Variants in PCDHGB5 observed in about 807,000 individuals in gnomAD.
PCDHGB5 encodes protocadherin gamma-B5.
In PCDHGB5, 48 loss-of-function variants were observed where a neutral mutation model predicts 62.9. That is an observed-to-expected ratio of 0.76 (90% CI 0.61 to 0.97). The LOEUF (loss-of-function observed/expected upper bound fraction) is 0.97, where lower values mean the gene tolerates loss of function less well. Among genes scored for constraint, PCDHGB5 ranks in the 50% least tolerant of loss-of-function variants. The probability of loss-of-function intolerance (pLI) is 0.00; values close to 1 mark genes in which losing one functional copy is unlikely to be tolerated. For missense variants in PCDHGB5, 1,118 were observed against 1,198.6 expected (o/e 0.93, Z 0.99); for synonymous variants, 474 against 511.2 (o/e 0.93, Z 0.98).
chr5:141,418,730 G>GT, intron 1 of PCDHGB5: 1 of 1,613,952 alleles, frequency 6.2e-7, no homozygotes, highest in Non-Finnish European at 8.5e-7. Context: ...AGCTCAGCAC[G>GT]TGTTCTCTCT....
intron 1 of PCDHGB5, among the ~76,000 whole-genome samples, chr5:141,446,536 GC>G (rs1043723006): frequency 2.0e-5 from 3 of 152,012 alleles, no homozygotes; most frequent in African/African-American, 7.2e-5. Context: ...GAGTGCAGTG[GC>G]CCTATCTCTG....
chr5:141,503,812 G>C (rs2099831825), intron 2 of PCDHGB5, among the ~76,000 whole-genome samples: 1 of 152,114 alleles, frequency 6.6e-6, no homozygotes, highest in South Asian at 2.1e-4. Context: ...GGGAATCCCA[G>C]ATTGGGCAAA....
Position 141,489,646 on chromosome 5 carries a change from C to G in PCDHGB5, c.2398-5161C>G, listed in dbSNP as rs1274955075. The G allele has an allele frequency of 1.2e-6, 2 of 1,614,186 alleles. No individual in the cohort carries two copies. Among genetic ancestry groups the G allele is most frequent in the Non-Finnish European group, 1.7e-6 (2 of 1,180,022 alleles). ...TGACAACTCTCCTAGCTTTGCCACC[C>G]CTGAGCGAGAGATGCGCATCTCAGA... On this transcript the variant is annotated intron_variant, in intron 1 of 3. Coordinates refer to ENST00000617380, the MANE Select transcript of PCDHGB5 (RefSeq NM_018925.3). The surrounding 1 kb of genome is among the most constrained non-coding windows in gnomAD (Gnocchi z 4.5).
At chr5:141,481,390 G>A (rs553179819) in intron 1 of PCDHGB5, among the ~76,000 whole-genome samples, 2 of 152,346 alleles carry the variant, frequency 1.3e-5, no homozygotes, top group East Asian at 3.9e-4. Context: ...TTGGAGGGAT[G>A]TGACAAAATT....
At position 141,399,982 on chromosome 5, in the gene PCDHGB5, A is replaced by C; in HGVS notation, c.1855A>C (p.Thr619Pro). The change falls in exon 1 of 4, where the codon ACA becomes CCA. Residue 619 changes from threonine (T) to proline (P), a missense_variant. This residue lies in a region of PCDHGB5 where 1,034 missense variants were observed against 1,029.1 expected (regional missense o/e 1.00). Transcript: ENST00000617380. ...CGGGCTCTTCAGCCTGGGGCTGCGCACAGGAGAGGTGCGCACAGCGCGTGC... is the reference window on the plus strand; with the variant it reads ...CGGGCTCTTCAGCCTGGGGCTGCGCCCAGGAGAGGTGCGCACAGCGCGTGC... ...EPGLFSLGLR[T>P]GEVRTARALG... is the part of the protein sequence containing the mutation. The C allele has an allele frequency of 6.2e-7, 1 of 1,612,330 alleles. No individual in the cohort carries two copies. Among genetic ancestry groups the C allele is most frequent in the Non-Finnish European group, 8.5e-7 (1 of 1,179,660 alleles).
intron 1 of PCDHGB5, among the ~76,000 whole-genome samples, chr5:141,450,899 A>G (rs1045595271): frequency 1.0e-4 from 15 of 149,514 alleles, no homozygotes; most frequent in African/African-American, 3.7e-4. Context: ...ATATCGGCTC[A>G]CTGCAACCGC....
chr5:141,423,929 G>C, intron 1 of PCDHGB5: 1 of 1,236,074 alleles, frequency 8.1e-7, no homozygotes, highest in East Asian at 3.5e-5. Flanking sequence ...TGCTGGTTTG[G>C]TTTGAAGTAA....
chr5:141,481,924 A>G (rs1189494301), intron 1 of PCDHGB5, among the ~76,000 whole-genome samples: 1 of 151,648 alleles, frequency 6.6e-6, no homozygotes, highest in Non-Finnish European at 1.5e-5. Context: ...AAAAAAAAAA[A>G]AAAAAAAAAA....
At chr5:141,416,928 A>G (rs1297487387) in intron 1 of PCDHGB5, 4 of 152,170 alleles carry the variant, frequency 2.6e-5, no homozygotes, top group Non-Finnish European at 2.9e-5. Flanking sequence ...ATAGTTATTA[A>G]CTATTAAACC....
chr5:141,434,429 C>T (rs1379210960), intron 1 of PCDHGB5, among the ~76,000 whole-genome samples: 2 of 152,152 alleles, frequency 1.3e-5, no homozygotes, highest in Admixed American at 6.5e-5. Flanking sequence ...TCATGATGGC[C>T]GTAATGCCCA....
chr5:141,485,797 C>T lies in PCDHGB5; in HGVS notation c.2398-9010C>T. 1 of 1,614,228 alleles carries T rather than the reference C, an allele frequency of 6.2e-7. No homozygotes were observed. Among genetic ancestry groups the T allele is most frequent in the South Asian group, 1.1e-5 (1 of 91,092 alleles). On this transcript the variant is annotated intron_variant, in intron 1 of 3. Coordinates refer to ENST00000617380, the MANE Select transcript of PCDHGB5 (RefSeq NM_018925.3). This position sits in a 1 kb window ranked among gnomAD's most constrained non-coding sequence, Gnocchi z 5.7. ...TGGATCGAGAGAAGCAATCGGACTACCGCCTGGTGCTGACTGCTGTCGATG... is the reference window on the plus strand; with the variant it reads ...TGGATCGAGAGAAGCAATCGGACTATCGCCTGGTGCTGACTGCTGTCGATG...
rs144490159 is a variant in PCDHGB5, at chr5:141,418,260, G to A, written c.2397+17736G>A. The A allele has an allele frequency of 5.0e-3, 7,995 of 1,614,000 alleles. 44 individuals carry two copies. Among genetic ancestry groups the A allele is most frequent in the Admixed American group, 9.4e-3 (566 of 60,026 alleles). ...GTTAATGACCACGCCCCTCAATTCCGGAAAGATGAAATAAACTTAGAAATC... is the reference window on the plus strand; with the variant it reads ...GTTAATGACCACGCCCCTCAATTCCAGAAAGATGAAATAAACTTAGAAATC... On this transcript the variant is annotated intron_variant, in intron 1 of 3. Coordinates refer to ENST00000617380, the MANE Select transcript of PCDHGB5 (RefSeq NM_018925.3).
chr5:141,460,961 ATG>A (rs35821115), intron 1 of PCDHGB5, among the ~76,000 whole-genome samples: 22,194 of 144,260 alleles, frequency 0.15, 1,877 homozygotes, highest in South Asian at 0.27. Context: ...GTATATATAT[ATG>A]TGTGTGTGTG....
At position 141,418,763 on chromosome 5, in the gene PCDHGB5, C is replaced by G. The variant is rs914122527; in HGVS notation, c.2397+18239C>G. The stretch of plus-strand genomic sequence containing the variant: ...TCTGGATTACACTACAGGAAACATT[C>G]TAACTCAGCAGCCTTTGGATTTTGA... On this transcript the variant is annotated intron_variant, in intron 1 of 3. Coordinates refer to ENST00000617380, the MANE Select transcript of PCDHGB5 (RefSeq NM_018925.3). 5 of 1,613,728 alleles carry G rather than the reference C, an allele frequency of 3.1e-6. No homozygotes were observed. The Admixed American group carries it at 5.0e-5, about 16-fold the overall frequency.
At chr5:141,506,241 G>C (rs2237081) in intron 3 of PCDHGB5, among the ~76,000 whole-genome samples, 78,081 of 151,504 alleles carry the variant, frequency 0.52, 20,775 homozygotes, top group African/African-American at 0.63. Context: ...ATGAGGTCAG[G>C]AGTTCGAAAC....
chr5:141,404,902 C>T, intron 1 of PCDHGB5: 1 of 1,613,856 alleles, frequency 6.2e-7, no homozygotes, highest in Non-Finnish European at 8.5e-7. Context: ...AGGACCATGG[C>T]CAGCCCCCTC....
At chr5:141,427,812 G>C (rs1380721111) in intron 1 of PCDHGB5, 1 of 1,524,406 alleles carries the variant, frequency 6.6e-7, no homozygotes, top group Non-Finnish European at 9.0e-7. Flanking sequence ...CGCACAGAGC[G>C]GGGTGGTGGT....
intron 1 of PCDHGB5, chr5:141,403,468 C>G: frequency 6.2e-7 from 1 of 1,614,054 alleles, no homozygotes; most frequent in Non-Finnish European, 8.5e-7. Flanking sequence ...GCTACCAGCT[C>G]AGCCCCAATC....
rs1456184444 is a variant in PCDHGB5, at chr5:141,512,578, C to T, written c.*1405C>T. On this transcript the variant is annotated 3_prime_UTR_variant, in exon 4 of 4. Coordinates refer to ENST00000617380, the MANE Select transcript of PCDHGB5 (RefSeq NM_018925.3). ...ATAGACCTTCTTCTCCCACCCCCTT[C>T]TGCCCCTGGGTCCCCGGCCATCCAG... is the stretch of plus-strand genomic sequence containing the variant. 1 of 152,944 alleles carries T rather than the reference C, an allele frequency of 6.5e-6. No homozygotes were observed. The highest frequency in any genetic ancestry group is 1.5e-5 in the Non-Finnish European group (1 of 68,542). 9.5% of individuals were successfully genotyped at this position (152,944 alleles called of 1,614,324 possible). A position where few individuals can be genotyped will look rare whatever the true frequency, so the allele number is the denominator to read the frequency against.
Sources: gnomAD v4.1 joint callset for allele counts (sites outside exome capture counted in the v4.1 genomes callset) on GRCh38, gnomAD v4.1.1 for gene constraint, gnomAD v4.1.1 regional missense constraint, Gnocchi (gnomAD v3.1) non-coding constraint, MANE v1.5 for transcripts, NCBI Gene and HGNC (gene_info 2026-07-23, HGNC 2026-07-21) for gene names.